The following GPD2 variants were observed in gnomAD, a reference collection of about 807,000 sequenced individuals.
GPD2 encodes the protein glycerol-3-phosphate dehydrogenase, mitochondrial.
Under a neutral mutation model 82.4 loss-of-function variants are expected in GPD2, and 54 were observed. The observed-to-expected ratio is 0.66, with a 90% CI of 0.53 to 0.82. The LOEUF (loss-of-function observed/expected upper bound fraction) is 0.82, where lower values mean the gene tolerates loss of function less well. Ranked by LOEUF, GPD2 falls within the 40% of genes least tolerant of loss-of-function variation. The probability of loss-of-function intolerance (pLI) is 0.00; values close to 1 mark genes in which losing one functional copy is unlikely to be tolerated. For synonymous variants in GPD2, 288 were observed against 306.1 expected (o/e 0.94, Z 0.62); for missense variants, 748 against 896.2 (o/e 0.83, Z 2.11).
At chr2:156,523,950 C>T (rs915064126) in intron 6 of GPD2, among the ~76,000 whole-genome samples, 2 of 152,112 alleles carry the variant, frequency 1.3e-5, no homozygotes, top group South Asian at 2.1e-4. Flanking sequence ...AAAAAATAGA[C>T]AAAATCTTAC....
chr2:156,461,040 C>A (rs1024838042), intron 1 of GPD2, among the ~76,000 whole-genome samples: 7 of 152,014 alleles, frequency 4.6e-5, no homozygotes, highest in African/African-American at 1.7e-4. Flanking sequence ...TCATTGGTGT[C>A]ATTTGAATAT....
chr2:156,459,703 AAAAAAAG>A (rs944251864), intron 1 of GPD2, among the ~76,000 whole-genome samples: 9 of 149,586 alleles, frequency 6.0e-5, no homozygotes, highest in African/African-American at 2.2e-4. Flanking sequence ...AAAAAAAAAA[AAAAAAAG>A]AAAGAAAAAG....
chr2:156,503,628 CTAAGA>C (rs1215837493), intron 3 of GPD2, among the ~76,000 whole-genome samples: 1 of 151,978 alleles, frequency 6.6e-6, no homozygotes, highest in Non-Finnish European at 1.5e-5. Flanking sequence ...GGGAAAATGG[CTAAGA>C]TGTGTTACAA....
At chr2:156,469,251 C>T (rs1683245502) in intron 1 of GPD2, among the ~76,000 whole-genome samples, 1 of 152,314 alleles carries the variant, frequency 6.6e-6, no homozygotes, top group Non-Finnish European at 1.5e-5. Flanking sequence ...CCTCCACCTC[C>T]CAGGTTCACG....
At chr2:156,547,946 A>G (rs545796521) in intron 6 of GPD2, among the ~76,000 whole-genome samples, 18 of 152,212 alleles carry the variant, frequency 1.2e-4, no homozygotes, top group Non-Finnish European at 2.5e-4. Context: ...GCTTCAAGGC[A>G]CACCTGGATG....
Position 156,557,298 on chromosome 2 carries a change from T to G in GPD2, c.972-91T>G. On this transcript the variant is annotated intron_variant, in intron 8 of 16. Coordinates refer to ENST00000438166, the MANE Select transcript of GPD2 (RefSeq NM_000408.5). Reference sequence around the variant, plus strand: ...TTCATATCTTTCTTGTTTGCATATTTGAGAATTAATGAATAAATAGTTTTT... The same window carrying G: ...TTCATATCTTTCTTGTTTGCATATTGGAGAATTAATGAATAAATAGTTTTT... 3.6e-6 allele frequency: 3 copies of G among 824,280 alleles called. No homozygotes were observed. In the South Asian group the frequency reaches 4.3e-5, roughly 12 times the overall value. The allele number at this position is 824,280 out of a possible 1,614,324, so 51.1% of individuals were successfully genotyped here.
At chr2:156,537,695 T>C (rs958520007) in intron 6 of GPD2, among the ~76,000 whole-genome samples, 4 of 152,348 alleles carry the variant, frequency 2.6e-5, no homozygotes, top group Admixed American at 2.0e-4. Context: ...GGGAGTATTT[T>C]TGACATTCAT....
At position 156,493,239 on chromosome 2, in the gene GPD2, A is replaced by T. The variant is rs577560108; in HGVS notation, c.103-2805A>T. On this transcript the variant is annotated intron_variant, in intron 2 of 16. Coordinates refer to ENST00000438166, the MANE Select transcript of GPD2 (RefSeq NM_000408.5). ...CCCCAGATGCCCAGGTGAGTGAACA[A>T]TCATTTGTGCATTTATTGGATTTGG... 3.9e-5 allele frequency among the ~76,000 whole-genome samples: 6 copies of T among 152,224 alleles called. No homozygotes were observed. The East Asian group carries it at 1.2e-3, about 29-fold the overall frequency.
At chr2:156,554,001 G>C (rs2105340769) in intron 8 of GPD2, among the ~76,000 whole-genome samples, 1 of 152,254 alleles carries the variant, frequency 6.6e-6, no homozygotes, top group African/African-American at 2.4e-5. Context: ...TACACATCCT[G>C]TTGGAAGCTT....
intron 13 of GPD2, among the ~76,000 whole-genome samples, chr2:156,573,824 A>G (rs1687722937): frequency 6.6e-6 from 1 of 152,146 alleles, no homozygotes; most frequent in Non-Finnish European, 1.5e-5. Context: ...AAAGGTTAGA[A>G]AGTTGGACTT....
At chr2:156,549,859 C>G (rs1315479455) in intron 7 of GPD2, 87 bp downstream of exon 7, 1 of 961,412 alleles carries the variant, frequency 1.0e-6, no homozygotes, top group Non-Finnish European at 1.6e-6. Context: ...TGTCACTTCT[C>G]TTTCATTTAT....
At chr2:156,472,395 A>T (rs1683363674) in intron 1 of GPD2, among the ~76,000 whole-genome samples, 1 of 152,160 alleles carries the variant, frequency 6.6e-6, no homozygotes, top group Non-Finnish European at 1.5e-5. Context: ...GTCTCGGCTC[A>T]CTGCAGTCTC....
intron 2 of GPD2, among the ~76,000 whole-genome samples, chr2:156,483,946 G>T (rs1381962052): frequency 6.9e-6 from 1 of 144,666 alleles, no homozygotes; most frequent in Non-Finnish European, 1.5e-5. Flanking sequence ...TGATGTAGCT[G>T]TAGCTGAAAC....
At chr2:156,503,649 A>G (rs781732404) in intron 3 of GPD2, among the ~76,000 whole-genome samples, 1 of 152,190 alleles carries the variant, frequency 6.6e-6, no homozygotes, top group Non-Finnish European at 1.5e-5. Context: ...TACAAATTTT[A>G]AAAAAGCAAG....
In GPD2 at chr2:156,505,108, C is replaced by T. The variant is rs1363925398; in HGVS notation, c.275-5688C>T. On this transcript the variant is annotated intron_variant, in intron 3 of 16. Transcript: ENST00000438166. ...ATTTTTCCTCTTAGATTGTAATTAT[C>T]CTTCTATATTCATCCAACTGTTTTG... Among the ~76,000 whole-genome samples, 5 of 152,162 alleles carry T rather than the reference C, an allele frequency of 3.3e-5. No homozygotes were observed. In the East Asian group the frequency reaches 9.6e-4, roughly 29 times the overall value.
rs144803882 is a variant in GPD2, at chr2:156,578,834, GA to G, written c.1768-48del. ...TGAAGATCAACAGTAAAAAAAGGAGGAAAAAAATCAATATTTCCATGTGTCT... is the reference window on the plus strand; with the variant it reads ...TGAAGATCAACAGTAAAAAAAGGAGGAAAAAATCAATATTTCCATGTGTCT... On this transcript the variant is annotated intron_variant, in intron 13 of 16. Transcript: ENST00000438166. 4,440 of 1,043,546 alleles carry G rather than the reference GA, an allele frequency of 4.3e-3. 121 individuals are homozygous for G. In the African/African-American group the frequency reaches 0.061, roughly 14 times the overall value. 64.6% of individuals were successfully genotyped at this position (1,043,546 alleles called of 1,614,324 possible).
At chr2:156,413,372 A>T in the GPD2 span, among the ~76,000 whole-genome samples, 1 of 151,888 alleles carries the variant, frequency 6.6e-6, no homozygotes, top group African/African-American at 2.4e-5. Context: ...ACCTGAGGTC[A>T]GGAGTTTGAG....
chr2:156,449,489 G>A (rs1307189357), intron 1 of GPD2, among the ~76,000 whole-genome samples: 1 of 152,112 alleles, frequency 6.6e-6, no homozygotes, highest in Non-Finnish European at 1.5e-5. Context: ...AGAAGATTTT[G>A]TTGGGTAGAG....
intron 16 of GPD2, among the ~76,000 whole-genome samples, chr2:156,580,613 A>G (rs1019504515): frequency 2.6e-5 from 4 of 152,174 alleles, no homozygotes; most frequent in African/African-American, 9.7e-5. Context: ...GCAATGATGA[A>G]TGCTGAACAT....
Sources: gnomAD v4.1 joint callset for allele counts (sites outside exome capture counted in the v4.1 genomes callset) on GRCh38, gnomAD v4.1.1 for gene constraint, MANE v1.5 for transcripts, NCBI Gene and HGNC (gene_info 2026-07-23, HGNC 2026-07-21) for gene names.